Variants in KIAA2012 observed in about 807,000 individuals in gnomAD.
KIAA2012 encodes KIAA2012.
KIAA2012 carries 125 observed loss-of-function variants against 150.6 expected under a neutral mutation model. The observed-to-expected ratio is 0.83, with a 90% confidence interval of 0.72 to 0.96. The LOEUF (loss-of-function observed/expected upper bound fraction) is 0.96. Ranked by LOEUF, KIAA2012 falls within the 40% of genes least tolerant of loss-of-function variation. The pLI is 0.00. For synonymous variants in KIAA2012, 462 were observed against 504.7 expected, an observed-to-expected ratio of 0.92 and a Z score of 1.13; for missense variants, 1,219 against 1,354.9, an observed-to-expected ratio of 0.90 and a Z score of 1.57.
chr2:202,179,760 G>A (rs529669005), intron 15 of KIAA2012: 142 of 638,124 alleles, frequency 2.2e-4, no homozygotes, highest in Middle Eastern at 1.7e-3. Flanking sequence ...GAGCTTACTT[G>A]GCCTGGAAAG....
intron 9 of KIAA2012, among the ~76,000 whole-genome samples, chr2:202,106,373 T>C (rs1020246071): frequency 1.3e-5 from 2 of 152,240 alleles, no homozygotes; most frequent in African/African-American, 2.4e-5. Flanking sequence ...TTTATAAATA[T>C]GTATTTATTC....
rs1691162356 is a variant in KIAA2012 at position 202,139,821 on chromosome 2, A to G, written c.1908+1313A>G. ...GACTAAGGAAAACATAATATGGTGT[A>G]TTTTGATAATTCTGCAACCCAAAGG... On this transcript the variant is annotated intron_variant, in intron 13 of 23. Transcript: ENST00000498697. Among the ~76,000 whole-genome samples the G allele has an allele frequency of 2.6e-5, 4 of 152,086 alleles. No individual in the cohort carries two copies. In the South Asian group the frequency reaches 8.3e-4, roughly 31 times the overall value.
chr2:202,099,039 G>A (rs1429688161), intron 5 of KIAA2012, among the ~76,000 whole-genome samples: 1 of 152,088 alleles, frequency 6.6e-6, no homozygotes, highest in African/African-American at 2.4e-5. Flanking sequence ...CCAGGCTGGA[G>A]TGCAGAGGTG....
chr2:202,193,342 C>T lies in KIAA2012; in HGVS notation c.2853C>T (p.Asp951=), dbSNP rs949055367. The change falls in exon 20 of 24, where the codon GAC becomes GAT. Residue 951 remains aspartate, a synonymous_variant. Transcript: ENST00000498697. ...GGGAGCAGGAGAAGGCTTCCTGGGA[C>T]AGGCTTCGAGCAGAAAGAGCCGAGA... ...TKREQEKASW[D]RLRAERAEMR... The T allele has an allele frequency of 6.5e-6, 10 of 1,549,954 alleles. No homozygotes were observed. The African/African-American group carries it at 1.1e-4, about 17-fold the overall frequency.
intron 23 of KIAA2012, among the ~76,000 whole-genome samples, chr2:202,203,624 T>C (rs1231885720): frequency 6.6e-6 from 1 of 152,196 alleles, no homozygotes; most frequent in African/African-American, 2.4e-5. Context: ...ATGTAGAATA[T>C]TTCCATGACA....
intron 15 of KIAA2012, among the ~76,000 whole-genome samples, chr2:202,180,225 C>T (rs12693959): frequency 0.42 from 62,336 of 148,054 alleles, 13,399 homozygotes; most frequent in Non-Finnish European, 0.48. Flanking sequence ...GAGCCGAGAT[C>T]GCGACATTGC....
At position 202,103,082 on chromosome 2, in the gene KIAA2012, A is replaced by C; in HGVS notation, c.1292A>C (p.Lys431Thr). 1 of 1,550,556 alleles carries C rather than the reference A, an allele frequency of 6.4e-7. No individual in the cohort carries two copies. The highest frequency in any genetic ancestry group is 8.7e-7 in the Non-Finnish European group (1 of 1,146,984). The change falls in exon 8 of 24, where the codon AAA (lysine) becomes ACA (threonine). Residue 431 changes from lysine to threonine, a missense_variant. By Grantham distance (78) the Lys-to-Thr change is moderately conservative. Transcript: ENST00000498697. The part of the protein sequence containing the change: ...ILPVEIHYHT[K>T]QPPKEKAHRR... The stretch of plus-strand genomic sequence containing the variant: ...CCGGTGGAGATTCATTACCACACCA[A>C]ACAACCCCCAAAAGAGAAAGCCCAC...
At chr2:202,131,941 C>T (rs900937582) in intron 12 of KIAA2012, among the ~76,000 whole-genome samples, 6 of 151,982 alleles carry the variant, frequency 3.9e-5, no homozygotes, top group African/African-American at 7.3e-5. Context: ...TTTGGGAGGC[C>T]GAGGCAGGCA....
Position 202,121,648 on chromosome 2 carries a change from GA to G in KIAA2012, c.1763-3563del, listed in dbSNP as rs1169253212. ...ATCACATATCATAGGTAAGGAGACT[GA>G]AACACAGGGAGCTCACTTACGTGGT... On this transcript the variant is annotated intron_variant, in intron 11 of 23. Coordinates refer to ENST00000498697, the MANE Select transcript of KIAA2012 (RefSeq NM_001277372.4). Among the ~76,000 whole-genome samples, 3 of 152,318 alleles carry G rather than the reference GA, an allele frequency of 2.0e-5. No individual in the cohort carries two copies. In the East Asian group the frequency reaches 5.8e-4, roughly 29 times the overall value.
At chr2:202,201,475 G>T in intron 22 of KIAA2012, 1 of 1,598,432 alleles carries the variant, frequency 6.3e-7, no homozygotes, top group Non-Finnish European at 8.6e-7. Context: ...ACTGCAAGCT[G>T]AGCAGCACTG....
rs768480297 is a variant in KIAA2012 at position 202,194,279 on chromosome 2, G to C, written c.3104G>C (p.Arg1035Thr). The C allele has an allele frequency of 4.1e-5, 64 of 1,550,614 alleles. 1 individual carries two copies. The South Asian group carries it at 7.6e-4, about 18-fold the overall frequency. The change falls in exon 21 of 24, where the codon AGA (arginine) becomes ACA (threonine). Residue 1035 changes from arginine (R) to threonine (T), a missense_variant. Physicochemically the swap from Arg to Thr is moderately conservative, Grantham distance 71. Transcript: ENST00000498697. ...CTCCGGTTGAAAGCAGCCCAGGAGA[G>C]AGCCCGGCAACAGCAAGAGGAGTTT... ...QQLRLKAAQE[R>T]ARQQQEEFRR...
chr2:202,170,966 G>GGTA (rs1691874198), intron 15 of KIAA2012, among the ~76,000 whole-genome samples: 2 of 152,148 alleles, frequency 1.3e-5, no homozygotes, highest in African/African-American at 4.8e-5. Context: ...CCACATCCTT[G>GGTA]CTCGCAGAGC....
chr2:202,089,207 G>A (rs1190648851), intron 2 of KIAA2012, among the ~76,000 whole-genome samples: 3 of 152,128 alleles, frequency 2.0e-5, no homozygotes, highest in East Asian at 1.9e-4. Context: ...ACCAACCCTG[G>A]TATTCTCTAG....
intron 7 of KIAA2012, among the ~76,000 whole-genome samples, chr2:202,100,754 C>T (rs1167561203): frequency 1.3e-5 from 2 of 152,168 alleles, no homozygotes; most frequent in East Asian, 1.9e-4. Context: ...TATCTGTAAA[C>T]GTTTTAAAGG....
intron 12 of KIAA2012, chr2:202,137,662 T>A (rs1691102203): frequency 6.6e-6 from 1 of 152,176 alleles, no homozygotes; most frequent in Admixed American, 6.5e-5. Flanking sequence ...AAATAAAACC[T>A]ATCCTTTTGC....
intron 10 of KIAA2012, among the ~76,000 whole-genome samples, chr2:202,112,402 T>A (rs1307417705): frequency 6.6e-6 from 1 of 152,224 alleles, no homozygotes; most frequent in Non-Finnish European, 1.5e-5. Flanking sequence ...CTTTCTAATG[T>A]CCTTTATAAA....
intron 23 of KIAA2012, among the ~76,000 whole-genome samples, chr2:202,204,203 A>C (rs1198488983): frequency 6.6e-6 from 1 of 151,664 alleles, no homozygotes; most frequent in African/African-American, 2.4e-5. Flanking sequence ...CAGCCTCCCA[A>C]GTAGCTGAGA....
chr2:202,142,340 G>A (rs569786179), intron 13 of KIAA2012, among the ~76,000 whole-genome samples: 1 of 152,256 alleles, frequency 6.6e-6, no homozygotes, highest in East Asian at 1.9e-4. Flanking sequence ...AATATCCATT[G>A]ATTATGTATT....
chr2:202,133,904 A>G (rs529635673), intron 12 of KIAA2012, among the ~76,000 whole-genome samples: 79 of 152,268 alleles, frequency 5.2e-4, no homozygotes, highest in African/African-American at 1.6e-3. Context: ...AAAATAAAGT[A>G]TTTTTAGATA....
Sources: allele counts gnomAD v4.1 joint callset (sites outside exome capture counted in the v4.1 genomes callset), GRCh38; gene constraint gnomAD v4.1.1; transcripts MANE v1.5; gene names NCBI Gene and HGNC (gene_info 2026-07-23, HGNC 2026-07-21).